The following MCUR1 variants were observed in gnomAD, a reference collection of about 807,000 sequenced individuals.
The protein encoded by MCUR1 is mitochondrial calcium uniporter regulator 1.
A neutral mutation model predicts 42.0 loss-of-function variants in MCUR1; 37 were observed. The ratio of observed to expected loss-of-function variants is 0.88; its 90% CI spans 0.68 to 1.16. The LOEUF (loss-of-function observed/expected upper bound fraction) is 1.16. Among genes scored for constraint, MCUR1 ranks in the 50% most tolerant of loss-of-function variants. The probability of loss-of-function intolerance (pLI) is 0.00; values close to 1 mark genes in which losing one functional copy is unlikely to be tolerated. For synonymous variants in MCUR1, 229 were observed against 196.2 expected (o/e 1.17, Z -1.40); for missense variants, 469 against 468.4 (o/e 1.00, Z -0.01).
In MCUR1 at chr6:13,794,768, A is replaced by G. The variant is rs145302154; in HGVS notation, c.856-821T>C. ...CAGGTTCAAGCAATTCTCCTGCCTT[A>G]GCCTCCTGCACATGTTGGTTTTAAT... On this transcript the variant is annotated intron_variant, in intron 6 of 8. Transcript: ENST00000379170. Among the ~76,000 whole-genome samples, 239 of 151,828 alleles carry G rather than the reference A, an allele frequency of 1.6e-3. 1 individual carries two copies. Among genetic ancestry groups the G allele is most frequent in the African/African-American group, 5.4e-3 (223 of 41,374 alleles).
chr6:13,802,105 CT>C (rs1236655694), intron 3 of MCUR1, 137 bp downstream of exon 3: 3 of 574,710 alleles, frequency 5.2e-6, no homozygotes, highest in African/African-American at 3.8e-5. Flanking sequence ...CCACTGTAAT[CT>C]TTTGCCTCTT....
rs1450494362 is a variant in MCUR1 at position 13,802,289 on chromosome 6, G to A, written c.593C>T (p.Ala198Val). The change falls in exon 3 of 9, where the codon GCC (alanine) becomes GTC (valine). Residue 198 changes from alanine (A) to valine (V), a missense_variant. Coordinates refer to ENST00000379170, the MANE Select transcript of MCUR1 (RefSeq NM_001031713.4). The part of the protein sequence containing the change: ...IVSALVKILE[A>V]NMDIVYKDMV... The stretch of plus-strand genomic sequence containing the variant: ...ATCTTTGTAGACGATGTCCATGTTG[G>A]CCTCCAGGATCTTGACCAATGCAGA... 3 of 1,613,874 alleles carry A rather than the reference G, an allele frequency of 1.9e-6. No homozygotes were observed. The highest frequency in any genetic ancestry group is 1.6e-4 in the Middle Eastern group (1 of 6,062).
intron 1 of MCUR1, among the ~76,000 whole-genome samples, chr6:13,811,051 C>T (rs990626759): frequency 3.9e-5 from 6 of 152,182 alleles, no homozygotes; most frequent in African/African-American, 1.4e-4. Context: ...TCTTTTTACC[C>T]TTCTTCATTA....
intron 6 of MCUR1, among the ~76,000 whole-genome samples, chr6:13,796,589 AT>A (rs1395171006): frequency 6.6e-6 from 1 of 151,970 alleles, no homozygotes; most frequent in East Asian, 1.9e-4. Context: ...CCCGGCAGAA[AT>A]TTTTTCATTT....
chr6:13,799,742 AAG>A (rs1324707383), intron 5 of MCUR1, among the ~76,000 whole-genome samples: 1 of 152,140 alleles, frequency 6.6e-6, no homozygotes, highest in African/African-American at 2.4e-5. Flanking sequence ...AAGACAGTCT[AAG>A]AGAATTTAAG....
intron 4 of MCUR1, 90 bp from the exon 5 acceptor site, chr6:13,800,472 C>G: frequency 1.4e-6 from 1 of 720,962 alleles, no homozygotes; most frequent in Non-Finnish European, 2.3e-6. Flanking sequence ...TGCACAAGTT[C>G]CTCAGGTTTT....
chr6:13,810,617 A>G (rs1041915322), intron 1 of MCUR1, among the ~76,000 whole-genome samples: 1 of 152,200 alleles, frequency 6.6e-6, no homozygotes, highest in African/African-American at 2.4e-5. Flanking sequence ...TGAAATCGAG[A>G]GTAAACAAAA....
chr6:13,787,116 C>T lies in MCUR1; in HGVS notation c.*3693G>A, dbSNP rs1268947111. ...TAGGGTGGGGGAAGATAAATGCTTG[C>T]CAATACTGACATGGTTAATTAACAG... On this transcript the variant is annotated 3_prime_UTR_variant, in exon 9 of 9. Transcript: ENST00000379170. The T allele has an allele frequency of 6.6e-6, 1 of 152,088 alleles. No homozygotes were observed. Among genetic ancestry groups the T allele is most frequent in the African/African-American group, 2.4e-5 (1 of 41,412 alleles). 9.4% of individuals were successfully genotyped at this position (152,088 alleles called of 1,614,324 possible). A position where few individuals can be genotyped will look rare whatever the true frequency, so the allele number is the denominator to read the frequency against.
rs945381092 is a variant in MCUR1, at chr6:13,801,496, CAA to C, written c.640-109_640-108del. The C allele has an allele frequency of 7.4e-5, 54 of 728,604 alleles. No individual in the cohort carries two copies. In the African/African-American group the frequency reaches 8.8e-4, roughly 12 times the overall value. The allele number at this position is 728,604 out of a possible 1,614,324, so 45.1% of individuals were successfully genotyped here. On this transcript the variant is annotated intron_variant, in intron 3 of 8. Coordinates refer to ENST00000379170, the MANE Select transcript of MCUR1 (RefSeq NM_001031713.4). ...TTGAGAAACCAGGACAATGTGGACA[CAA>C]AAAGAGGTTCAGTAGGGTCATCCTT...
chr6:13,798,985 C>A, intron 5 of MCUR1, 81 bp from the exon 6 acceptor site: 1 of 813,904 alleles, frequency 1.2e-6, no homozygotes, highest in South Asian at 1.5e-5. Context: ...ACTGGGACCA[C>A]TGCCCCCACT....
Position 13,790,859 on chromosome 6 carries a change from T to C in MCUR1, c.1030A>G (p.Ile344Val), listed in dbSNP as rs1244377375. ...LDNIKYLAGS[I>V]FTCLTVALGF... The stretch of plus-strand genomic sequence containing the variant: ...AGAGCTACTGTTAGGCACGTAAATA[T>C]AGACCCTGTAAGAAAAAAACAATTG... The change falls in exon 9 of 9, where the codon ATA (isoleucine) becomes GTA (valine). Residue 344 changes from isoleucine (I) to valine (V), a missense_variant. Transcript: ENST00000379170. 6.2e-7 allele frequency: 1 copy of C among 1,609,278 alleles called. No individual in the cohort carries two copies. The highest frequency in any genetic ancestry group is 1.7e-5 in the Admixed American group (1 of 59,790).
rs1759679074 is a variant in MCUR1 at position 13,789,608 on chromosome 6, C to T, written c.*1201G>A. On this transcript the variant is annotated 3_prime_UTR_variant, in exon 9 of 9. Coordinates refer to ENST00000379170, the MANE Select transcript of MCUR1 (RefSeq NM_001031713.4). ...GGATATTCATTAATGACATAAATTTCATTTATGAAATATGTATCCATCATC... is the reference window on the plus strand; with the variant it reads ...GGATATTCATTAATGACATAAATTTTATTTATGAAATATGTATCCATCATC... 6.6e-6 allele frequency: 1 copy of T among 152,160 alleles called. No individual in the cohort carries two copies. The highest frequency in any genetic ancestry group is 2.4e-5 in the African/African-American group (1 of 41,446). The allele number at this position is 152,160 out of a possible 1,614,324, so 9.4% of individuals were successfully genotyped here.
At chr6:13,806,653 T>C (rs1457061937) in intron 2 of MCUR1, among the ~76,000 whole-genome samples, 1 of 152,082 alleles carries the variant, frequency 6.6e-6, no homozygotes, top group African/African-American at 2.4e-5. Context: ...CAGCCAGACA[T>C]GGTGGTGTGT....
intron 7 of MCUR1, among the ~76,000 whole-genome samples, chr6:13,793,484 C>CA (rs1759781094): frequency 1.3e-5 from 2 of 152,132 alleles, no homozygotes; most frequent in Non-Finnish European, 2.9e-5. Context: ...ACCTTCAGGA[C>CA]ACTGTGTTAA....
At chr6:13,792,514 C>T (rs945715710) in intron 7 of MCUR1, among the ~76,000 whole-genome samples, 2 of 152,166 alleles carry the variant, frequency 1.3e-5, no homozygotes, top group African/African-American at 2.4e-5. Flanking sequence ...AAACTTTCTT[C>T]TTTCATGTTC....
intron 6 of MCUR1, among the ~76,000 whole-genome samples, chr6:13,795,034 T>C (rs1759824594): frequency 6.6e-6 from 1 of 151,600 alleles, no homozygotes; most frequent in Non-Finnish European, 1.5e-5. Context: ...ATTAACCTTG[T>C]TATAGAAAGA....
chr6:13,801,964 T>C (rs146330592), intron 3 of MCUR1, among the ~76,000 whole-genome samples: 2 of 152,308 alleles, frequency 1.3e-5, no homozygotes, highest in African/African-American at 4.8e-5. Context: ...CATGATGCTA[T>C]AATACTACAA....
At chr6:13,804,018 T>A (rs1222918873) in intron 2 of MCUR1, 1 of 975,282 alleles carries the variant, frequency 1.0e-6, no homozygotes, top group Non-Finnish European at 1.2e-6. Flanking sequence ...GAGTTCATGT[T>A]TAAACATAAT....
At chr6:13,794,388 C>T (rs1759808788) in intron 6 of MCUR1, among the ~76,000 whole-genome samples, 4 of 152,092 alleles carry the variant, frequency 2.6e-5, no homozygotes, top group Admixed American at 6.6e-5. Context: ...GGACCAATTT[C>T]GAAGGATGCT....
Sources: gnomAD v4.1 joint callset for allele counts (sites outside exome capture counted in the v4.1 genomes callset) on GRCh38, gnomAD v4.1.1 for gene constraint, MANE v1.5 for transcripts, NCBI Gene and HGNC (gene_info 2026-07-23, HGNC 2026-07-21) for gene names.